PRRC1: variants seen among roughly 807,000 people sequenced by gnomAD.
The protein encoded by PRRC1 is proline rich coiled-coil 1.
Under a neutral mutation model 40.7 loss-of-function variants are expected in PRRC1, and 39 were observed. That is an observed-to-expected ratio of 0.96 (90% CI 0.74 to 1.25). The LOEUF (loss-of-function observed/expected upper bound fraction) is 1.25. PRRC1 is among the 50% of genes most tolerant of loss of function. The pLI, the probability that PRRC1 is intolerant of heterozygous loss-of-function variation, is 0.00. For synonymous variants in PRRC1, 175 were observed against 193.3 expected, an observed-to-expected ratio of 0.91 and a Z score of 0.79; for missense variants, 573 against 548.3, an observed-to-expected ratio of 1.05 and a Z score of -0.45.
At position 127,533,851 on chromosome 5, in the gene PRRC1, A is replaced by T. The variant is rs1209486767; in HGVS notation, c.921+65A>T. On this transcript the variant is annotated intron_variant, in intron 6 of 8. Transcript: ENST00000296666. ...CATTTAATTTTTTCACAATTCTGAT[A>T]ATCTGTTGTCTCTATGGAGCTAATA... The T allele has an allele frequency of 2.6e-6, 4 of 1,544,472 alleles. No homozygotes were observed. The Admixed American group carries it at 6.7e-5, about 26-fold the overall frequency.
chr5:127,547,089 A>C (rs1389041037), intron 7 of PRRC1, among the ~76,000 whole-genome samples: 7 of 152,108 alleles, frequency 4.6e-5, no homozygotes, highest in African/African-American at 1.4e-4. Flanking sequence ...GGCATTAAAC[A>C]TTTTCCTGCT....
At chr5:127,539,319 T>C (rs1767979053) in intron 7 of PRRC1, among the ~76,000 whole-genome samples, 176 bp downstream of exon 7, 1 of 152,140 alleles carries the variant, frequency 6.6e-6, no homozygotes, top group African/African-American at 2.4e-5. Flanking sequence ...ATTTCTATCC[T>C]TGTGTCTCTT....
intron 7 of PRRC1, among the ~76,000 whole-genome samples, chr5:127,540,656 T>C (rs1306167789): frequency 1.3e-5 from 2 of 152,158 alleles, no homozygotes; most frequent in Non-Finnish European, 2.9e-5. Context: ...GGCAGTTTCT[T>C]TTCTTTCAGC....
chr5:127,538,234 C>T (rs1767949777), intron 6 of PRRC1, among the ~76,000 whole-genome samples: 1 of 151,944 alleles, frequency 6.6e-6, no homozygotes, highest in Non-Finnish European at 1.5e-5. Context: ...GTGTCCTAGC[C>T]TTCTTAATTT....
rs1768478749 is a variant in PRRC1, at chr5:127,554,563, T to C, written c.*2647T>C. 6.6e-6 allele frequency: 1 copy of C among 152,264 alleles called. No individual in the cohort carries two copies. The highest frequency in any genetic ancestry group is 1.5e-5 in the Non-Finnish European group (1 of 68,034). The allele number at this position is 152,264 out of a possible 1,614,324, so 9.4% of individuals were successfully genotyped here. Reference sequence around the variant, plus strand: ...TATTCAATTCGGGATCCTCCTTTTGTTAGGTTTTTGAGACAACCCTAGACC... The same window carrying C: ...TATTCAATTCGGGATCCTCCTTTTGCTAGGTTTTTGAGACAACCCTAGACC... On this transcript the variant is annotated 3_prime_UTR_variant, in exon 9 of 9. Transcript: ENST00000296666.
chr5:127,528,617 C>G (rs550714694), intron 4 of PRRC1, among the ~76,000 whole-genome samples: 1 of 152,022 alleles, frequency 6.6e-6, no homozygotes, highest in African/African-American at 2.4e-5. Context: ...CAGGCAGCCT[C>G]TCCTTTTCTT....
intron 2 of PRRC1, 65 bp downstream of exon 2, chr5:127,523,647 A>T: frequency 1.0e-6 from 1 of 952,468 alleles, no homozygotes; most frequent in Admixed American, 2.8e-5. Flanking sequence ...ATCTTTTCTC[A>T]GAGTCAATTA....
chr5:127,522,834 A>G (rs1268875363), intron 1 of PRRC1, among the ~76,000 whole-genome samples: 1 of 151,996 alleles, frequency 6.6e-6, no homozygotes, highest in Admixed American at 6.6e-5. Flanking sequence ...GCAGTGGTGC[A>G]GTCATAGCTC....
intron 8 of PRRC1, chr5:127,548,613 A>G (rs1768289875): frequency 6.6e-6 from 1 of 151,994 alleles, no homozygotes; most frequent in Non-Finnish European, 1.5e-5. Flanking sequence ...TAGTTTGTAC[A>G]TTGTTAAATA....
At chr5:127,543,666 G>A (rs1181738027) in intron 7 of PRRC1, among the ~76,000 whole-genome samples, 4 of 151,922 alleles carry the variant, frequency 2.6e-5, no homozygotes, top group East Asian at 1.9e-4. Flanking sequence ...TGATCGCGTC[G>A]GCTCCTGAGG....
chr5:127,543,537 CATAGTCCCAT>C (rs1768115202), intron 7 of PRRC1, among the ~76,000 whole-genome samples: 1 of 152,204 alleles, frequency 6.6e-6, no homozygotes, highest in Non-Finnish European at 1.5e-5. Context: ...GGTCTTTTCA[CATAGTCCCAT>C]ATTTCTTGGA....
chr5:127,539,049 G>A lies in PRRC1; in HGVS notation c.931G>A (p.Glu311Lys). Residue 311 changes from glutamate to lysine, a missense_variant, in exon 7 of 9, where the codon GAA becomes AAA. Transcript: ENST00000296666. ...TGCCATTGTTGTTTAGGGTGCTCAGGAACGGATAGATAGCTTGCGTCGAAC... is the reference window on the plus strand; with the variant it reads ...TGCCATTGTTGTTTAGGGTGCTCAGAAACGGATAGATAGCTTGCGTCGAAC... The part of the protein sequence containing the change: ...GYAAGLKGAQ[E>K]RIDSLRRTGV... The A allele has an allele frequency of 6.2e-7, 1 of 1,612,534 alleles. No individual in the cohort carries two copies. The highest frequency in any genetic ancestry group is 8.5e-7 in the Non-Finnish European group (1 of 1,178,790).
intron 1 of PRRC1, among the ~76,000 whole-genome samples, chr5:127,521,782 C>T (rs1334635472): frequency 3.3e-5 from 5 of 152,164 alleles, no homozygotes; most frequent in Admixed American, 3.3e-4. Context: ...TCTTGTTCTT[C>T]CCAGCTCAGT....
intron 1 of PRRC1, among the ~76,000 whole-genome samples, chr5:127,519,502 A>G (rs1426325916): frequency 6.6e-6 from 1 of 152,196 alleles, no homozygotes; most frequent in African/African-American, 2.4e-5. Context: ...AACTTCTCAG[A>G]TAGTATCCTA....
chr5:127,547,715 A>G (rs1768265443), intron 7 of PRRC1, 104 bp from the exon 8 acceptor site: 12 of 624,992 alleles, frequency 1.9e-5, no homozygotes, highest in Non-Finnish European at 2.9e-5. Flanking sequence ...TTCCTTTTTG[A>G]AATCTGTTCT....
At chr5:127,525,750 A>AT (rs1418202096) in intron 3 of PRRC1, among the ~76,000 whole-genome samples, 1 of 152,136 alleles carries the variant, frequency 6.6e-6, no homozygotes, top group Non-Finnish European at 1.5e-5. Flanking sequence ...TTAGTATATG[A>AT]TTTTTTTATG....
chr5:127,548,887 C>A (rs1288000058), intron 8 of PRRC1: 1 of 151,876 alleles, frequency 6.6e-6, no homozygotes, highest in South Asian at 2.1e-4. Context: ...TCAAGAAAAC[C>A]TTTTTATAGA....
chr5:127,546,761 A>G (rs748759500), intron 7 of PRRC1, among the ~76,000 whole-genome samples: 1 of 152,204 alleles, frequency 6.6e-6, no homozygotes, highest in Non-Finnish European at 1.5e-5. Context: ...AAATTATGCA[A>G]AATAAGGCAA....
chr5:127,550,829 G>C (rs892980769), intron 8 of PRRC1: 3 of 152,206 alleles, frequency 2.0e-5, no homozygotes, highest in African/African-American at 7.2e-5. Flanking sequence ...GGGTTCCCAA[G>C]TGCTGGACTG....
Sources: gnomAD v4.1 joint callset for allele counts (sites outside exome capture counted in the v4.1 genomes callset) on GRCh38, gnomAD v4.1.1 for gene constraint, MANE v1.5 for transcripts, NCBI Gene and HGNC (gene_info 2026-07-23, HGNC 2026-07-21) for gene names.